CARMIL2: variants seen among roughly 807,000 people sequenced by gnomAD.
CARMIL2 encodes the protein capping protein, Arp2/3 and myosin-I linker protein 2.
A neutral mutation model predicts 173.3 loss-of-function variants in CARMIL2; 96 were observed. The observed-to-expected ratio is 0.55, with a 90% CI of 0.47 to 0.66. The LOEUF is 0.66. Among genes scored for constraint, CARMIL2 ranks in the 30% least tolerant of loss-of-function variants. CARMIL2 has a pLI of 0.00. For synonymous variants in CARMIL2, 830 were observed against 817.1 expected (o/e 1.02, Z -0.27); for missense variants, 1,771 against 1,906.7 (o/e 0.93, Z 1.33).
At position 67,647,731 on chromosome 16, in the gene CARMIL2, GAC is replaced by G; in HGVS notation, c.924_925del (p.Arg308SerfsTer53). 1 of 1,428,538 alleles carries G rather than the reference GAC, an allele frequency of 7.0e-7. No individual in the cohort carries two copies. Among genetic ancestry groups the G allele is most frequent in the Non-Finnish European group, 9.4e-7 (1 of 1,069,024 alleles). 88.5% of individuals were successfully genotyped at this position (1,428,538 alleles called of 1,614,324 possible). On this transcript the variant is annotated frameshift_variant, in exon 12 of 38. Coordinates refer to ENST00000334583, the MANE Select transcript of CARMIL2 (RefSeq NM_001013838.3). LOFTEE classifies it high-confidence loss of function. ...GAGCGTTGTCCAGGAGCCCTGAGGAGACTCAGCCTGGCCCAGACAGGGTTGAC... is the reference window on the plus strand; with the variant it reads ...GAGCGTTGTCCAGGAGCCCTGAGGAGTCAGCCTGGCCCAGACAGGGTTGAC...
rs1011590977 is a variant in CARMIL2 at position 67,653,957 on chromosome 16, G to T, written c.3121-192G>T. Among the ~76,000 whole-genome samples, 1 of 152,078 alleles carries T rather than the reference G, an allele frequency of 6.6e-6. No individual in the cohort carries two copies. Among genetic ancestry groups the T allele is most frequent in the Non-Finnish European group, 1.5e-5 (1 of 67,978 alleles). ...GACTGGGTGTGCGGGAGCCAGCAGC[G>T]AGTGAGGAGTGCGTGAAATCTGGAG... On this transcript the variant is annotated intron_variant, in intron 29 of 37. Coordinates refer to ENST00000334583, the MANE Select transcript of CARMIL2 (RefSeq NM_001013838.3). The surrounding 1 kb of genome is among the most constrained non-coding windows in gnomAD (Gnocchi z 7.4).
At chr16:67,655,667 G>A (rs1426997974) in intron 32 of CARMIL2, among the ~76,000 whole-genome samples, 2 of 152,118 alleles carry the variant, frequency 1.3e-5, no homozygotes, top group South Asian at 2.1e-4. Flanking sequence ...GTCTCTAATT[G>A]TGGGTTACGC....
At position 67,649,113 on chromosome 16, in the gene CARMIL2, C is replaced by A; in HGVS notation, c.1629C>A (p.Ile543=). 1 of 1,613,164 alleles carries A rather than the reference C, an allele frequency of 6.2e-7. No individual in the cohort carries two copies. The highest frequency in any genetic ancestry group is 8.5e-7 in the Non-Finnish European group (1 of 1,179,726). Residue 543 remains isoleucine, a synonymous_variant, in exon 18 of 38, where the codon ATC becomes ATA. Coordinates refer to ENST00000334583, the MANE Select transcript of CARMIL2 (RefSeq NM_001013838.3). This position sits in a 1 kb window ranked among gnomAD's most constrained non-coding sequence, Gnocchi z 6.7. ...ACATGGTGACTCTGGTGCTGGCCATCGGGAGAAGCCGGTCCCTGAGACATG... is the reference window on the plus strand; with the variant it reads ...ACATGGTGACTCTGGTGCTGGCCATAGGGAGAAGCCGGTCCCTGAGACATG... ...GSDMVTLVLA[I]GRSRSLRHVA...
chr16:67,655,676 G>A (rs564011595), intron 32 of CARMIL2, among the ~76,000 whole-genome samples: 5 of 152,194 alleles, frequency 3.3e-5, no homozygotes, highest in South Asian at 2.1e-4. Context: ...TGTGGGTTAC[G>A]CCAGGTCCCT....
rs2052601417 is a variant in CARMIL2, at chr16:67,646,744, G to A, written c.497G>A (p.Cys166Tyr). 6.2e-7 allele frequency: 1 copy of A among 1,613,982 alleles called. No homozygotes were observed. The highest frequency in any genetic ancestry group is 8.5e-7 in the Non-Finnish European group (1 of 1,179,886). The change falls in exon 7 of 38, where the codon TGT (cysteine) becomes TAT (tyrosine). Residue 166 changes from cysteine to tyrosine, a missense_variant. Physicochemically the swap from Cys to Tyr is radical, Grantham distance 194. Coordinates refer to ENST00000334583, the MANE Select transcript of CARMIL2 (RefSeq NM_001013838.3). The surrounding 1 kb of genome is among the most constrained non-coding windows in gnomAD (Gnocchi z 4.6). ...GGFLETYEAL[C>Y]DYNGFPFREE... ...TTCTTGGAGACATACGAGGCTCTGT[G>A]TGACTACAATGGCTTCCCTTTCCGA...
rs1180764304 is a variant in CARMIL2, at chr16:67,646,796, G to A, written c.537+12G>A. 1 of 1,613,838 alleles carries A rather than the reference G, an allele frequency of 6.2e-7. No homozygotes were observed. Among genetic ancestry groups the A allele is most frequent in the Non-Finnish European group, 8.5e-7 (1 of 1,179,776 alleles). ...AGGAGATTCAGTGGGTGAGGGTAGG[G>A]CCCTTTTGAAGGGCTCTGGAGACAT... On this transcript the variant is annotated intron_variant, in intron 7 of 37. Coordinates refer to ENST00000334583, the MANE Select transcript of CARMIL2 (RefSeq NM_001013838.3). The surrounding 1 kb of genome is among the most constrained non-coding windows in gnomAD (Gnocchi z 4.6).
Position 67,652,272 on chromosome 16 carries a change from G to C in CARMIL2, c.2750G>C (p.Ser917Thr), listed in dbSNP as rs373030648. The C allele has an allele frequency of 1.4e-5, 23 of 1,613,260 alleles. No individual in the cohort carries two copies. In the African/African-American group the frequency reaches 2.4e-4, roughly 17 times the overall value. The change falls in exon 27 of 38, where the codon AGC (serine) becomes ACC (threonine). Residue 917 changes from serine to threonine, a missense_variant. Coordinates refer to ENST00000334583, the MANE Select transcript of CARMIL2 (RefSeq NM_001013838.3). This position sits in a 1 kb window ranked among gnomAD's most constrained non-coding sequence, Gnocchi z 4.7. ...ALPAPDGGEPSLLEPGELEGL... is the reference protein window; with the variant it reads ...ALPAPDGGEPTLLEPGELEGL... The stretch of plus-strand genomic sequence containing the variant: ...CCAGCACCGGATGGAGGTGAGCCCA[G>C]CCTCCTTGAGCCTGGGGAATTGGAA...
At position 67,652,984 on chromosome 16, in the gene CARMIL2, C is replaced by A; in HGVS notation, c.2885-35C>A. The A allele has an allele frequency of 8.6e-7, 1 of 1,157,034 alleles. No homozygotes were observed. The highest frequency in any genetic ancestry group is 1.5e-5 in the South Asian group (1 of 66,544). 71.7% of individuals were successfully genotyped at this position (1,157,034 alleles called of 1,614,324 possible). ...GCCTCCGCCGCCACCTCCCCGGGCT[C>A]GGCGCTCGGTGCTCTTCTGGTGCTG... On this transcript the variant is annotated intron_variant, in intron 28 of 37. Transcript: ENST00000334583. This position sits in a 1 kb window ranked among gnomAD's most constrained non-coding sequence, Gnocchi z 4.7.
rs2052853842 is a variant in CARMIL2 at position 67,656,299 on chromosome 16, GGTGA to G, written c.3814+6_3814+9del. The G allele has an allele frequency of 1.1e-5, 17 of 1,613,876 alleles. No homozygotes were observed. The highest frequency in any genetic ancestry group is 1.7e-5 in the Admixed American group (1 of 60,006). ...GTCCCGCACCCACTCTGTGTCTGCT[GGTGA>G]GTGAGGGCCACTGTGTGTGTTGGTA... On this transcript the variant is annotated splice_donor_variant and splice_donor_region_variant and intron_variant, in intron 34 of 37. Coordinates refer to ENST00000334583, the MANE Select transcript of CARMIL2 (RefSeq NM_001013838.3). LOFTEE classifies it high-confidence loss of function.
intron 34 of CARMIL2, 37 bp downstream of exon 34, chr16:67,656,336 C>T (rs2052854871): frequency 3.1e-6 from 5 of 1,611,984 alleles, no homozygotes; most frequent in Admixed American, 1.7e-5. Flanking sequence ...GTAGTGGGAG[C>T]AGGGACAGGC....
chr16:67,656,920 G>A (rs1461702501), intron 36 of CARMIL2, 39 bp downstream of exon 36: 1 of 1,469,030 alleles, frequency 6.8e-7, no homozygotes, highest in African/African-American at 1.4e-5. Context: ...GAATGCAGGA[G>A]ATGTGGGAGG....
At chr16:67,655,082 A>G (rs902276334) in intron 32 of CARMIL2, among the ~76,000 whole-genome samples, 182 bp downstream of exon 32, 2 of 152,248 alleles carry the variant, frequency 1.3e-5, no homozygotes, top group African/African-American at 4.8e-5. Context: ...GGCACAGGCC[A>G]CCAGCATCTC....
In CARMIL2 at chr16:67,649,982, T is replaced by C. The variant is rs971528852; in HGVS notation, c.2082+14T>C. 6.2e-7 allele frequency: 1 copy of C among 1,613,292 alleles called. No homozygotes were observed. The highest frequency in any genetic ancestry group is 8.5e-7 in the Non-Finnish European group (1 of 1,179,698). Reference sequence around the variant, plus strand: ...GCAGTCCATCAGGTGGGCGTCCCCCTCTTCCCTTGCCCTTCTCTGCACGGT... The same window carrying C: ...GCAGTCCATCAGGTGGGCGTCCCCCCCTTCCCTTGCCCTTCTCTGCACGGT... On this transcript the variant is annotated intron_variant, in intron 21 of 37. Transcript: ENST00000334583. The surrounding 1 kb of genome is among the most constrained non-coding windows in gnomAD (Gnocchi z 6.7).
rs375188884 is a variant in CARMIL2, at chr16:67,651,272, G to A, written c.2270G>A (p.Arg757His). ...GGGCCCCAGGGTGAAGCCGCTGTGC[G>A]CCAGGCCGAGGATGCCATCCAAAAT... ...GAGPQGEAAV[R>H]QAEDAIQNAN... The change falls in exon 23 of 38, where the codon CGC (arginine) becomes CAC (histidine). Residue 757 changes from arginine to histidine, a missense_variant. Arg to His is a conservative substitution (Grantham distance 29). Transcript: ENST00000334583. This position sits in a 1 kb window ranked among gnomAD's most constrained non-coding sequence, Gnocchi z 4.2. 21 of 1,613,406 alleles carry A rather than the reference G, an allele frequency of 1.3e-5. No homozygotes were observed. In the East Asian group the frequency reaches 1.6e-4, roughly 12 times the overall value.
Position 67,647,619 on chromosome 16 carries a change from G to GGACC in CARMIL2, c.871+19_871+22dup. Reference sequence around the variant, plus strand: ...ATGACCGAGGTATGACTGAGCCTGGGGACCGCAGGGGTGGGCAGCAGGAGG... The same window carrying GGACC: ...ATGACCGAGGTATGACTGAGCCTGGGGACCGACCGCAGGGGTGGGCAGCAGGAGG... On this transcript the variant is annotated intron_variant, in intron 11 of 37. Coordinates refer to ENST00000334583, the MANE Select transcript of CARMIL2 (RefSeq NM_001013838.3). 1 of 1,605,486 alleles carries GGACC rather than the reference G, an allele frequency of 6.2e-7. No homozygotes were observed. Among genetic ancestry groups the GGACC allele is most frequent in the South Asian group, 1.1e-5 (1 of 89,326 alleles).
chr16:67,654,071 G>C (rs1200248721), intron 29 of CARMIL2, 78 bp from the exon 30 acceptor site: 1 of 962,690 alleles, frequency 1.0e-6, no homozygotes, highest in Non-Finnish European at 1.5e-6. Context: ...TTCAGTCCAG[G>C]CTGCCGGCCG....
At chr16:67,655,810 TAAAAAAC>T (rs1320199223) in intron 32 of CARMIL2, among the ~76,000 whole-genome samples, 11 of 151,986 alleles carry the variant, frequency 7.2e-5, no homozygotes, top group African/African-American at 2.7e-4. Flanking sequence ...TTCAATATCT[TAAAAAAC>T]AAAAAACAAA....
chr16:67,647,797 G>C, intron 12 of CARMIL2, 31 bp downstream of exon 12: 1 of 1,179,006 alleles, frequency 8.5e-7, no homozygotes, highest in Non-Finnish European at 1.2e-6. Context: ...GGTGAGGGGA[G>C]GGGGGTGGGG....
At chr16:67,654,091 G>GGC (rs1555540723) in intron 29 of CARMIL2, 58 bp from the exon 30 acceptor site, 2 of 1,093,974 alleles carry the variant, frequency 1.8e-6, no homozygotes, top group Non-Finnish European at 2.5e-6. Context: ...GGGGGGGGGG[G>GGC]GGGGTAGAAG....
Sources: allele counts gnomAD v4.1 joint callset (sites outside exome capture counted in the v4.1 genomes callset), GRCh38; gene constraint gnomAD v4.1.1; non-coding constraint Gnocchi (gnomAD v3.1); transcripts MANE v1.5; gene names NCBI Gene and HGNC (gene_info 2026-07-23, HGNC 2026-07-21).